The following PPP1R12B variants were observed in gnomAD, a reference collection of about 807,000 sequenced individuals.
PPP1R12B encodes myosin phosphatase target subunit 2.
In PPP1R12B, 76 loss-of-function variants were observed where a neutral mutation model predicts 126.1. That is an observed-to-expected ratio of 0.60 (90% confidence interval 0.50 to 0.73). The LOEUF is 0.73. PPP1R12B is among the 30% of genes least tolerant of loss of function. PPP1R12B has a pLI of 0.00. For synonymous variants in PPP1R12B, 356 were observed against 434.7 expected (o/e 0.82, Z 2.25); for missense variants, 1,052 against 1,205.1 (o/e 0.87, Z 1.88).
chr1:202,564,623 G>A (rs1335891015), intron 21 of PPP1R12B, 76 bp downstream of exon 21: 18 of 1,195,964 alleles, frequency 1.5e-5, no homozygotes, highest in Non-Finnish European at 1.2e-5. Flanking sequence ...GGGATCTAAG[G>A]GACAGGAAGT....
intron 6 of PPP1R12B, among the ~76,000 whole-genome samples, chr1:202,430,045 G>A (rs1270193053): frequency 1.3e-5 from 2 of 152,160 alleles, no homozygotes; most frequent in Admixed American, 1.3e-4. Context: ...TTATTTAGCA[G>A]CAACAGCCTT....
intron 23 of PPP1R12B, among the ~76,000 whole-genome samples, chr1:202,572,166 A>G (rs1026546009): frequency 1.3e-5 from 2 of 152,198 alleles, no homozygotes; most frequent in Non-Finnish European, 2.9e-5. Flanking sequence ...ATCTCTCTGT[A>G]CTAGGCAGCC....
chr1:202,519,864 C>T lies in PPP1R12B; in HGVS notation c.2490+23042C>T, dbSNP rs1249262484. On this transcript the variant is annotated intron_variant, in intron 18 of 23. Coordinates refer to ENST00000608999, the MANE Select transcript of PPP1R12B (RefSeq NM_002481.4). ...AGAAAAGAACTCTTACCATTTGTTG[C>T]GTCTGGGACTTGTGTGGAGGGTTTT... Among the ~76,000 whole-genome samples the T allele has an allele frequency of 4.6e-5, 7 of 152,126 alleles. No homozygotes were observed. The East Asian group carries it at 9.6e-4, about 21-fold the overall frequency.
intron 18 of PPP1R12B, among the ~76,000 whole-genome samples, chr1:202,529,375 G>A (rs1452923367): frequency 6.6e-6 from 1 of 151,422 alleles, no homozygotes; most frequent in Non-Finnish European, 1.5e-5. Flanking sequence ...GAAGAGAGCA[G>A]CCTTTATTTC....
chr1:202,371,996 C>T (rs1385769209), intron 1 of PPP1R12B, among the ~76,000 whole-genome samples: 10 of 151,386 alleles, frequency 6.6e-5, no homozygotes, highest in South Asian at 6.3e-4. Flanking sequence ...CTCAGCCTCC[C>T]GAGTAGCTGG....
intron 13 of PPP1R12B, among the ~76,000 whole-genome samples, chr1:202,460,190 CT>C (rs1331894353): frequency 6.6e-6 from 1 of 152,086 alleles, no homozygotes; most frequent in African/African-American, 2.4e-5. Context: ...TCTTTCTTTT[CT>C]TTGTAGAAAT....
intron 12 of PPP1R12B, among the ~76,000 whole-genome samples, chr1:202,444,770 A>G (rs910986390): frequency 1.3e-5 from 2 of 152,094 alleles, no homozygotes; most frequent in African/African-American, 4.8e-5. Flanking sequence ...CTCATTCAGT[A>G]TCATCTCTCT....
chr1:202,524,524 C>T (rs1034151243), intron 18 of PPP1R12B, among the ~76,000 whole-genome samples: 17 of 152,168 alleles, frequency 1.1e-4, no homozygotes, highest in East Asian at 3.8e-4. Flanking sequence ...CCCCCTCTCA[C>T]GCTTTCCCCT....
At chr1:202,537,356 A>C (rs1333870433) in intron 18 of PPP1R12B, among the ~76,000 whole-genome samples, 1 of 151,236 alleles carries the variant, frequency 6.6e-6, no homozygotes, top group Non-Finnish European at 1.5e-5. Context: ...TCCGTCTCAA[A>C]AAAAAAAAAA....
At chr1:202,465,815 A>G (rs1674900936) in intron 13 of PPP1R12B, among the ~76,000 whole-genome samples, 1 of 152,202 alleles carries the variant, frequency 6.6e-6, no homozygotes, top group Non-Finnish European at 1.5e-5. Context: ...TGATAAAGGG[A>G]ACTAGAGTAT....
chr1:202,350,512 A>G (rs1218784183), intron 1 of PPP1R12B, among the ~76,000 whole-genome samples: 1 of 152,254 alleles, frequency 6.6e-6, no homozygotes, highest in Non-Finnish European at 1.5e-5. Context: ...TATCTCACTT[A>G]ATAAGGAGCT....
At chr1:202,456,211 G>A (rs1346908121) in intron 13 of PPP1R12B, among the ~76,000 whole-genome samples, 1 of 151,830 alleles carries the variant, frequency 6.6e-6, no homozygotes, top group African/African-American at 2.4e-5. Context: ...GGAGGTTGCA[G>A]TGAGCCGAGA....
rs1042845095 is a variant in PPP1R12B at position 202,419,065 on chromosome 1, T to G, written c.422+2148T>G. Among the ~76,000 whole-genome samples, 2 of 152,198 alleles carry G rather than the reference T, an allele frequency of 1.3e-5. No individual in the cohort carries two copies. The highest frequency in any genetic ancestry group is 4.8e-5 in the African/African-American group (2 of 41,468). ...TTCTATTTCATGTTTCATGGTGATCTTTTTGTCTCAGTATGTTGCATCAAA... is the reference window on the plus strand; with the variant it reads ...TTCTATTTCATGTTTCATGGTGATCGTTTTGTCTCAGTATGTTGCATCAAA... On this transcript the variant is annotated intron_variant, in intron 2 of 23. Coordinates refer to ENST00000608999, the MANE Select transcript of PPP1R12B (RefSeq NM_002481.4). The surrounding 1 kb of genome is among the most constrained non-coding windows in gnomAD (Gnocchi z 4.6).
Position 202,488,219 on chromosome 1 carries a change from C to T in PPP1R12B, c.1851-314C>T, listed in dbSNP as rs191683527. Among the ~76,000 whole-genome samples the T allele has an allele frequency of 5.0e-3, 763 of 152,296 alleles. 11 individuals are homozygous for T. Among genetic ancestry groups the T allele is most frequent in the African/African-American group, 0.017 (691 of 41,562 alleles). On this transcript the variant is annotated intron_variant, in intron 13 of 23. Coordinates refer to ENST00000608999, the MANE Select transcript of PPP1R12B (RefSeq NM_002481.4). ...AATGGAACAGCATGAAATTTCACCA[C>T]GCTATTCAGAACAGTGCACAATTGA...
Position 202,464,464 on chromosome 1 carries a change from A to G in PPP1R12B, c.1850+15293A>G, listed in dbSNP as rs192184023. Among the ~76,000 whole-genome samples the G allele has an allele frequency of 6.4e-3, 968 of 152,256 alleles. 7 individuals carry two copies. The highest frequency in any genetic ancestry group is 9.9e-3 in the Non-Finnish European group (673 of 68,012). On this transcript the variant is annotated intron_variant, in intron 13 of 23. Transcript: ENST00000608999. ...GTTCGCAGATGAGCCTTTCTATCCC[A>G]TTCCATTTAAGTGTTTTAATATAGG...
intron 13 of PPP1R12B, among the ~76,000 whole-genome samples, chr1:202,462,245 G>A (rs1218332513): frequency 1.3e-5 from 2 of 152,196 alleles, no homozygotes; most frequent in African/African-American, 4.8e-5. Context: ...GGGAGGCCTA[G>A]ATGGTGTCTA....
rs191017857 is a variant in PPP1R12B at position 202,437,598 on chromosome 1, G to A, written c.1255-223G>A. On this transcript the variant is annotated intron_variant, in intron 9 of 23. Coordinates refer to ENST00000608999, the MANE Select transcript of PPP1R12B (RefSeq NM_002481.4). Reference sequence around the variant, plus strand: ...CTGTCAGGTAGGAGCACTGTGTGAAGAATCCGAGGCTATTTTTGGCTTAGG... The same window carrying A: ...CTGTCAGGTAGGAGCACTGTGTGAAAAATCCGAGGCTATTTTTGGCTTAGG... 3.8e-3 allele frequency among the ~76,000 whole-genome samples: 585 copies of A among 152,292 alleles called. 2 individuals are homozygous for A. Among genetic ancestry groups the A allele is most frequent in the African/African-American group, 0.013 (557 of 41,562 alleles).
At chr1:202,418,632 A>G (rs1668392935) in intron 2 of PPP1R12B, among the ~76,000 whole-genome samples, 1 of 152,232 alleles carries the variant, frequency 6.6e-6, no homozygotes, top group South Asian at 2.1e-4. Context: ...ACTATTATAA[A>G]TTAAACTTGG....
At chr1:202,530,029 A>G (rs1231981938) in intron 18 of PPP1R12B, among the ~76,000 whole-genome samples, 1 of 152,226 alleles carries the variant, frequency 6.6e-6, no homozygotes, top group Non-Finnish European at 1.5e-5. Context: ...TATGCTTTAA[A>G]GCTACTTATT....
Sources: gnomAD v4.1 joint callset for allele counts (sites outside exome capture counted in the v4.1 genomes callset) on GRCh38, gnomAD v4.1.1 for gene constraint, Gnocchi (gnomAD v3.1) non-coding constraint, MANE v1.5 for transcripts, NCBI Gene and HGNC (gene_info 2026-07-23, HGNC 2026-07-21) for gene names.